Variants in GRM8 observed in about 807,000 individuals in gnomAD.
GRM8 encodes the protein glutamate metabotropic receptor 8.
In GRM8, 47 loss-of-function variants were observed where a neutral mutation model predicts 87.2. The observed-to-expected ratio is 0.54, with a 90% CI of 0.43 to 0.69. The LOEUF (loss-of-function observed/expected upper bound fraction) is 0.69, where lower values mean the gene tolerates loss of function less well. Ranked by LOEUF, GRM8 falls within the 30% of genes least tolerant of loss-of-function variation. The probability of loss-of-function intolerance (pLI) is 0.00; values close to 1 mark genes in which losing one functional copy is unlikely to be tolerated. For missense variants in GRM8, 1,019 were observed against 1,139.2 expected (o/e 0.89, Z 1.52); for synonymous variants, 396 against 404.5 (o/e 0.98, Z 0.25).
intron 9 of GRM8, among the ~76,000 whole-genome samples, chr7:126,452,481 T>C (rs527323936): frequency 6.6e-6 from 1 of 151,176 alleles, no homozygotes; most frequent in African/African-American, 2.4e-5. Flanking sequence ...ACATTCTCTA[T>C]AATCTTTTGA....
At chr7:126,762,497 A>T (rs1465995522) in intron 7 of GRM8, among the ~76,000 whole-genome samples, 2 of 152,170 alleles carry the variant, frequency 1.3e-5, no homozygotes, top group East Asian at 3.8e-4. Flanking sequence ...ATATTTGAAA[A>T]AACAAAGACA....
At chr7:126,980,736 C>T (rs1321816378) in intron 3 of GRM8, among the ~76,000 whole-genome samples, 1 of 152,176 alleles carries the variant, frequency 6.6e-6, no homozygotes, top group African/African-American at 2.4e-5. Context: ...GAACTATTAC[C>T]TTTCTTTCAT....
intron 7 of GRM8, among the ~76,000 whole-genome samples, chr7:126,756,737 G>A (rs1345304659): frequency 6.6e-6 from 1 of 152,004 alleles, no homozygotes; most frequent in Non-Finnish European, 1.5e-5. Flanking sequence ...AAGATCAATG[G>A]TTCCCAGAGA....
At chr7:127,193,626 T>C (rs1298101872) in intron 2 of GRM8, among the ~76,000 whole-genome samples, 1 of 152,216 alleles carries the variant, frequency 6.6e-6, no homozygotes, top group Non-Finnish European at 1.5e-5. Context: ...TAGCTTCTTT[T>C]GAGCAATTGG....
At chr7:126,643,978 T>A (rs1015714536) in intron 7 of GRM8, among the ~76,000 whole-genome samples, 6 of 152,248 alleles carry the variant, frequency 3.9e-5, no homozygotes, top group Non-Finnish European at 8.8e-5. Context: ...TCTAGTCAAA[T>A]AAAATCATTT....
chr7:126,946,774 A>G (rs1475247464), intron 3 of GRM8, among the ~76,000 whole-genome samples: 2 of 152,232 alleles, frequency 1.3e-5, no homozygotes, highest in Non-Finnish European at 2.9e-5. Context: ...ATGTTAAGCC[A>G]TTGAGTTTTG....
intron 7 of GRM8, among the ~76,000 whole-genome samples, chr7:126,714,409 T>C (rs1203173626): frequency 7.2e-5 from 11 of 151,886 alleles, no homozygotes; most frequent in Non-Finnish European, 1.2e-4. Context: ...ATTTCCACAA[T>C]AGTCCTATCA....
rs368024224 is a variant in GRM8 at position 126,854,645 on chromosome 7, C to T, written c.1156+47897G>A. The stretch of plus-strand genomic sequence containing the variant: ...TACATTTATGCAAATGTTAAGATTA[C>T]TTCATTCTTAGCTGCTATGTCTTAT... On this transcript the variant is annotated intron_variant, in intron 6 of 10. Transcript: ENST00000339582. 2.6e-5 allele frequency among the ~76,000 whole-genome samples: 4 copies of T among 152,268 alleles called. No individual in the cohort carries two copies. In the East Asian group the frequency reaches 7.7e-4, roughly 29 times the overall value.
chr7:126,635,491 T>C (rs750612509), intron 7 of GRM8, among the ~76,000 whole-genome samples: 3 of 152,140 alleles, frequency 2.0e-5, no homozygotes, highest in Non-Finnish European at 4.4e-5. Context: ...GGCCTAACTT[T>C]ATAGAGTTTT....
At chr7:126,968,124 T>A (rs1489166617) in intron 3 of GRM8, among the ~76,000 whole-genome samples, 1 of 152,222 alleles carries the variant, frequency 6.6e-6, no homozygotes, top group Non-Finnish European at 1.5e-5. Flanking sequence ...TGATATCCAT[T>A]AGATGTAATA....
chr7:126,826,896 G>A (rs112863470), intron 6 of GRM8, among the ~76,000 whole-genome samples: 87 of 152,258 alleles, frequency 5.7e-4, no homozygotes, highest in African/African-American at 2.1e-3. Flanking sequence ...TTTGCATAAG[G>A]TGTAAGGAAG....
At chr7:127,226,495 C>T (rs1271804721) in intron 2 of GRM8, among the ~76,000 whole-genome samples, 1 of 152,132 alleles carries the variant, frequency 6.6e-6, no homozygotes, top group African/African-American at 2.4e-5. Context: ...GCAGACAAAA[C>T]CAGGAAGATT....
intron 6 of GRM8, among the ~76,000 whole-genome samples, chr7:126,899,628 C>G (rs1394545060): frequency 6.6e-6 from 1 of 152,102 alleles, no homozygotes; most frequent in Non-Finnish European, 1.5e-5. Flanking sequence ...CCTTCTTTTC[C>G]CCCAACCAAA....
chr7:126,918,424 TAA>T (rs1454936924), intron 3 of GRM8, among the ~76,000 whole-genome samples: 1 of 152,172 alleles, frequency 6.6e-6, no homozygotes, highest in East Asian at 1.9e-4. Flanking sequence ...AGATTTAATC[TAA>T]CTTTTCCACA....
chr7:126,889,707 T>A (rs1326456462), intron 6 of GRM8, among the ~76,000 whole-genome samples: 3 of 152,112 alleles, frequency 2.0e-5, no homozygotes, highest in Non-Finnish European at 4.4e-5. Context: ...ATTCACTGAC[T>A]GAGAAGCTGG....
chr7:126,712,278 C>A (rs1008498376), intron 7 of GRM8, among the ~76,000 whole-genome samples: 1 of 152,120 alleles, frequency 6.6e-6, no homozygotes, highest in Non-Finnish European at 1.5e-5. Context: ...GAAGTCAGAA[C>A]ACACACAAAA....
At chr7:127,033,115 A>AT (rs939112160) in intron 3 of GRM8, among the ~76,000 whole-genome samples, 5 of 133,530 alleles carry the variant, frequency 3.7e-5, no homozygotes, top group South Asian at 4.7e-4. Context: ...CTGTTGCTTT[A>AT]TTTTTTTAAC....
intron 6 of GRM8, among the ~76,000 whole-genome samples, chr7:126,892,728 G>T (rs1801174410): frequency 6.6e-6 from 1 of 152,084 alleles, no homozygotes; most frequent in Non-Finnish European, 1.5e-5. Flanking sequence ...TTCCACAATG[G>T]TTGAAGTAGT....
At chr7:126,560,653 A>T (rs769007054) in intron 8 of GRM8, among the ~76,000 whole-genome samples, 1 of 152,216 alleles carries the variant, frequency 6.6e-6, no homozygotes, top group Non-Finnish European at 1.5e-5. Context: ...AGATTTCTCC[A>T]AGAAGACCCA....
Sources: allele counts gnomAD v4.1 joint callset (sites outside exome capture counted in the v4.1 genomes callset), GRCh38; gene constraint gnomAD v4.1.1; transcripts MANE v1.5; gene names NCBI Gene and HGNC (gene_info 2026-07-23, HGNC 2026-07-21).